The following GALM variants were observed in gnomAD, a reference collection of about 807,000 sequenced individuals.
The protein encoded by GALM is galactose mutarotase.
In GALM, 43 loss-of-function variants were observed where a neutral mutation model predicts 37.4. The ratio of observed to expected loss-of-function variants is 1.15; its 90% CI spans 0.90 to 1.48. GALM has a LOEUF of 1.48. Ranked by LOEUF, GALM falls within the 40% of genes most tolerant of loss-of-function variation. GALM has a pLI of 0.00. For synonymous variants in GALM, 199 were observed against 170.6 expected, an observed-to-expected ratio of 1.17 and a Z score of -1.30; for missense variants, 456 against 419.1, an observed-to-expected ratio of 1.09 and a Z score of -0.77.
intron 1 of GALM, among the ~76,000 whole-genome samples, chr2:38,670,647 A>T (rs1235432931): frequency 6.6e-6 from 1 of 152,226 alleles, no homozygotes; most frequent in Non-Finnish European, 1.5e-5. Flanking sequence ...ATATCTGACC[A>T]CATATTTGAT....
chr2:38,687,621 G>A (rs1021521735), intron 3 of GALM, among the ~76,000 whole-genome samples: 10 of 151,710 alleles, frequency 6.6e-5, no homozygotes, highest in Non-Finnish European at 1.5e-4. Context: ...TAAGGCAGGA[G>A]AATTGCTTGA....
At chr2:38,697,985 C>G (rs1375191737) in intron 4 of GALM, among the ~76,000 whole-genome samples, 2 of 151,786 alleles carry the variant, frequency 1.3e-5, no homozygotes, top group African/African-American at 2.4e-5. Context: ...ACTCCATCAC[C>G]AGGCTGGAAG....
At chr2:38,687,689 C>T (rs1386952120) in intron 3 of GALM, among the ~76,000 whole-genome samples, 2 of 149,862 alleles carry the variant, frequency 1.3e-5, no homozygotes, top group East Asian at 2.0e-4. Context: ...CCAGCCTGGG[C>T]GACACAGTAA....
rs139485325 is a variant in GALM, at chr2:38,719,254, G to A, written c.635-10302G>A. Among the ~76,000 whole-genome samples, 263 of 151,258 alleles carry A rather than the reference G, an allele frequency of 1.7e-3. 13 individuals are homozygous for A. In the East Asian group the frequency reaches 0.036, roughly 20 times the overall value. ...TGGGAACCCGAGGTGGGTGGATCAC[G>A]AGGTCAGGAGTTCAAGACCAGCTTG... On this transcript the variant is annotated intron_variant, in intron 4 of 6. Transcript: ENST00000272252.
Position 38,681,277 on chromosome 2 carries a change from C to G in GALM, c.346-3C>G, listed in dbSNP as rs753347439. ...ACACAACTTTGAAAACACTTTTTTC[C>G]AGGTGCTCTGGACCCCTCGGGTGCT... On this transcript the variant is annotated splice_region_variant and splice_polypyrimidine_tract_variant and intron_variant, in intron 2 of 6. Coordinates refer to ENST00000272252, the MANE Select transcript of GALM (RefSeq NM_138801.3). The G allele has an allele frequency of 3.7e-6, 6 of 1,611,982 alleles. No individual in the cohort carries two copies. In the South Asian group the frequency reaches 6.6e-5, roughly 18 times the overall value.
intron 2 of GALM, among the ~76,000 whole-genome samples, chr2:38,678,927 G>A (rs1572513854): frequency 6.6e-6 from 1 of 152,206 alleles, no homozygotes; most frequent in Non-Finnish European, 1.5e-5. Flanking sequence ...GTGGAATAGA[G>A]GAGACAGCCA....
intron 3 of GALM, among the ~76,000 whole-genome samples, chr2:38,686,880 G>A (rs1665551642): frequency 6.6e-6 from 1 of 152,166 alleles, no homozygotes; most frequent in South Asian, 2.1e-4. Flanking sequence ...TGTCCTCATT[G>A]GATGACATTA....
At chr2:38,689,788 C>A (rs960831911) in intron 3 of GALM, 25 bp from the exon 4 acceptor site, 16 of 1,387,512 alleles carry the variant, frequency 1.2e-5, no homozygotes, top group African/African-American at 4.4e-5. Flanking sequence ...AAGCAGAAAA[C>A]CTTTCCCCTA....
chr2:38,676,752 G>A (rs1178049489), intron 2 of GALM, among the ~76,000 whole-genome samples: 1 of 152,154 alleles, frequency 6.6e-6, no homozygotes, highest in Non-Finnish European at 1.5e-5. Flanking sequence ...AACAGAGCCA[G>A]AGTCCGTCTC....
At chr2:38,685,942 A>G (rs1175580487) in intron 3 of GALM, among the ~76,000 whole-genome samples, 1 of 151,834 alleles carries the variant, frequency 6.6e-6, no homozygotes, top group Non-Finnish European at 1.5e-5. Flanking sequence ...TGAACTCCTG[A>G]CCTGAAGTGA....
At chr2:38,705,764 G>A (rs908121847) in intron 4 of GALM, among the ~76,000 whole-genome samples, 1 of 152,172 alleles carries the variant, frequency 6.6e-6, no homozygotes, top group Non-Finnish European at 1.5e-5. Context: ...TGCACCCTAG[G>A]CACCTCATTT....
chr2:38,698,344 C>T (rs1665851020), intron 4 of GALM: 2 of 1,294,080 alleles, frequency 1.5e-6, no homozygotes, highest in Non-Finnish European at 2.0e-6. Flanking sequence ...CTCACAGGTG[C>T]TTCTTTCCTG....
At chr2:38,701,324 T>C (rs1361066885) in intron 4 of GALM, among the ~76,000 whole-genome samples, 37 of 152,140 alleles carry the variant, frequency 2.4e-4, no homozygotes, top group Non-Finnish European at 2.6e-4. Context: ...TTTAAAGGCA[T>C]TTACAGCACA....
intron 2 of GALM, among the ~76,000 whole-genome samples, chr2:38,677,056 A>T (rs1665276653): frequency 6.6e-6 from 1 of 152,200 alleles, no homozygotes; most frequent in Non-Finnish European, 1.5e-5. Flanking sequence ...CTTTAAGCAG[A>T]TCCCTAGAAA....
intron 2 of GALM, 132 bp from the exon 3 acceptor site, chr2:38,681,148 G>C (rs1474427319): frequency 3.9e-6 from 3 of 773,284 alleles, no homozygotes; most frequent in Non-Finnish European, 6.6e-6. Flanking sequence ...AAAAAATCCA[G>C]GCTATCATTA....
intron 2 of GALM, among the ~76,000 whole-genome samples, chr2:38,677,240 A>G (rs1281520897): frequency 5.3e-5 from 8 of 152,226 alleles, no homozygotes; most frequent in Admixed American, 3.9e-4. Flanking sequence ...CTTTTAAATT[A>G]TACCACCCAG....
At chr2:38,709,450 A>G (rs1257545867) in intron 4 of GALM, among the ~76,000 whole-genome samples, 3 of 152,262 alleles carry the variant, frequency 2.0e-5, no homozygotes, top group Admixed American at 1.3e-4. Context: ...AACGACCTGC[A>G]GCTTGGTTTA....
chr2:38,703,038 G>A, intron 4 of GALM, among the ~76,000 whole-genome samples: 1 of 96,588 alleles, frequency 1.0e-5, no homozygotes, highest in South Asian at 4.2e-4. Context: ...GCTGAGGTGG[G>A]ATGATATGTG....
chr2:38,683,916 G>A (rs1237135043), intron 3 of GALM, among the ~76,000 whole-genome samples: 1 of 152,122 alleles, frequency 6.6e-6, no homozygotes, highest in Non-Finnish European at 1.5e-5. Flanking sequence ...ATCTTAGTAA[G>A]CGTAGCTTGA....
Sources: gnomAD v4.1 joint callset for allele counts (sites outside exome capture counted in the v4.1 genomes callset) on GRCh38, gnomAD v4.1.1 for gene constraint, MANE v1.5 for transcripts, NCBI Gene and HGNC (gene_info 2026-07-23, HGNC 2026-07-21) for gene names.